The following APBB2 variants were observed in gnomAD, a reference collection of about 807,000 sequenced individuals.
APBB2 encodes the protein Fe65-like 1.
Under a neutral mutation model 82.5 loss-of-function variants are expected in APBB2, and 38 were observed. The ratio of observed to expected loss-of-function variants is 0.46; its 90% confidence interval spans 0.36 to 0.60. APBB2 has a LOEUF of 0.60. APBB2 is among the 20% of genes least tolerant of loss of function. APBB2 has a pLI of 0.00. For missense variants in APBB2, 772 were observed against 972.3 expected (o/e 0.79, Z 2.74); for synonymous variants, 341 against 368.2 (o/e 0.93, Z 0.85).
At chr4:41,005,693 C>G (rs1267157458) in intron 6 of APBB2, among the ~76,000 whole-genome samples, 1 of 152,098 alleles carries the variant, frequency 6.6e-6, no homozygotes, top group Non-Finnish European at 1.5e-5. Context: ...AACAACTTGC[C>G]AAACTAAGAA....
intron 1 of APBB2, among the ~76,000 whole-genome samples, chr4:41,206,224 G>A (rs930819720): frequency 6.6e-6 from 1 of 152,206 alleles, no homozygotes; most frequent in Non-Finnish European, 1.5e-5. Flanking sequence ...AAAGGAAGCA[G>A]CTGAAGGGTT....
chr4:41,050,621 T>C (rs146290426), intron 4 of APBB2, among the ~76,000 whole-genome samples: 20 of 152,148 alleles, frequency 1.3e-4, no homozygotes, highest in Non-Finnish European at 1.9e-4. Context: ...CTGAAAACCA[T>C]AGTCGAAGAT....
intron 2 of APBB2, among the ~76,000 whole-genome samples, chr4:41,115,534 G>A (rs1341743889): frequency 1.3e-5 from 2 of 152,074 alleles, no homozygotes; most frequent in Admixed American, 1.3e-4. Flanking sequence ...GAGTGAACAG[G>A]CAACCTACAG....
chr4:40,871,717 T>G (rs1048871526), intron 12 of APBB2, among the ~76,000 whole-genome samples: 9 of 152,202 alleles, frequency 5.9e-5, no homozygotes, highest in African/African-American at 2.2e-4. Flanking sequence ...CAGTAAACCA[T>G]AAAGCATTGT....
intron 6 of APBB2, among the ~76,000 whole-genome samples, chr4:40,976,517 G>A (rs1797212193): frequency 6.6e-6 from 1 of 152,098 alleles, no homozygotes; most frequent in African/African-American, 2.4e-5. Context: ...CCTTTCTTTG[G>A]GAATCATATT....
chr4:40,898,324 C>T (rs141562539), intron 10 of APBB2, among the ~76,000 whole-genome samples: 25 of 152,280 alleles, frequency 1.6e-4, no homozygotes, highest in African/African-American at 5.1e-4. Flanking sequence ...AGTGCAGTGG[C>T]GTGGCGTCAG....
At chr4:41,200,837 C>T (rs144730506) in intron 1 of APBB2, among the ~76,000 whole-genome samples, 5 of 152,200 alleles carry the variant, frequency 3.3e-5, no homozygotes, top group African/African-American at 1.2e-4. Context: ...AATCTAGTAG[C>T]TCTTGTGTTT....
intron 10 of APBB2, among the ~76,000 whole-genome samples, chr4:40,923,157 A>G (rs1164576401): frequency 6.7e-6 from 1 of 149,938 alleles, no homozygotes; most frequent in Non-Finnish European, 1.5e-5. Context: ...TTGTATTTTT[A>G]GTAGAGACGG....
intron 10 of APBB2, among the ~76,000 whole-genome samples, chr4:40,894,558 A>G (rs1773123643): frequency 6.6e-6 from 1 of 152,230 alleles, no homozygotes; most frequent in African/African-American, 2.4e-5. Flanking sequence ...GTATCCACTC[A>G]TGATAACAAA....
At position 40,832,812 on chromosome 4, in the gene APBB2, C is replaced by T. The variant is rs772347347; in HGVS notation, c.1530-2235G>A. On this transcript the variant is annotated intron_variant, in intron 12 of 17. Transcript: ENST00000508593. The surrounding 1 kb of genome is among the most constrained non-coding windows in gnomAD (Gnocchi z 4.8). ...GACGACTGTGCCTAACTCATCCCAG[C>T]GTCTAGTTCAGGCCTGGCGTATCAC... Among the ~76,000 whole-genome samples, 5 of 152,194 alleles carry T rather than the reference C, an allele frequency of 3.3e-5. No homozygotes were observed. Among genetic ancestry groups the T allele is most frequent in the Admixed American group, 6.5e-5 (1 of 15,282 alleles).
At chr4:40,972,195 G>A (rs1268285891) in intron 6 of APBB2, among the ~76,000 whole-genome samples, 2 of 152,122 alleles carry the variant, frequency 1.3e-5, no homozygotes, top group African/African-American at 2.4e-5. Context: ...TTGGGAGGCC[G>A]AGGTGGGTGG....
chr4:41,053,753 A>G (rs1428755001), intron 4 of APBB2, among the ~76,000 whole-genome samples: 1 of 152,244 alleles, frequency 6.6e-6, no homozygotes, highest in Non-Finnish European at 1.5e-5. Context: ...GGTACTTGCT[A>G]CAGCAAGTTC....
rs111257236 is a variant in APBB2, at chr4:40,826,233, C to T, written c.1733-263G>A. 108 of 453,122 alleles carry T rather than the reference C, an allele frequency of 2.4e-4. No individual in the cohort carries two copies. The highest frequency in any genetic ancestry group is 3.2e-4 in the Non-Finnish European group (80 of 246,498). The allele number at this position is 453,122 out of a possible 1,614,324, so 28.1% of individuals were successfully genotyped here. On this transcript the variant is annotated intron_variant, in intron 14 of 17. Transcript: ENST00000508593. The surrounding 1 kb of genome is among the most constrained non-coding windows in gnomAD (Gnocchi z 4.5). ...CTATGTGTTAAAGCTGCTACTGTCT[C>T]TTTGATGTATATTAAGTAAAGTAGC...
At chr4:41,092,762 G>A (rs1465217359) in intron 3 of APBB2, among the ~76,000 whole-genome samples, 2 of 151,482 alleles carry the variant, frequency 1.3e-5, no homozygotes, top group Admixed American at 6.6e-5. Context: ...AGCAATCTAA[G>A]ATGTAAAACT....
chr4:41,046,041 A>G (rs1723298113), intron 4 of APBB2, among the ~76,000 whole-genome samples: 1 of 152,248 alleles, frequency 6.6e-6, no homozygotes. Context: ...AGGTTTGTAT[A>G]TGAAGCTGGG....
intron 1 of APBB2, among the ~76,000 whole-genome samples, chr4:41,195,678 A>T: frequency 6.6e-6 from 1 of 152,090 alleles, no homozygotes; most frequent in African/African-American, 2.4e-5. Flanking sequence ...CGTGTCCTAA[A>T]CAGCCCTACA....
At chr4:40,911,229 G>A (rs1022431465) in intron 10 of APBB2, among the ~76,000 whole-genome samples, 4 of 152,206 alleles carry the variant, frequency 2.6e-5, no homozygotes, top group African/African-American at 2.4e-5. Flanking sequence ...TCTCGAATCC[G>A]TGGGCTCCTC....
chr4:41,048,316 A>G (rs1045487122), intron 4 of APBB2, among the ~76,000 whole-genome samples: 9 of 152,234 alleles, frequency 5.9e-5, no homozygotes, highest in African/African-American at 2.2e-4. Context: ...GCAAAATCCA[A>G]AAACAAAAAT....
intron 10 of APBB2, among the ~76,000 whole-genome samples, chr4:40,895,078 C>T (rs1773298806): frequency 1.3e-5 from 2 of 152,180 alleles, no homozygotes; most frequent in South Asian, 4.1e-4. Context: ...AGCAAAGTGT[C>T]CTGAAGTGAT....
Sources: gnomAD v4.1 joint callset for allele counts (sites outside exome capture counted in the v4.1 genomes callset) on GRCh38, gnomAD v4.1.1 for gene constraint, Gnocchi (gnomAD v3.1) non-coding constraint, MANE v1.5 for transcripts, NCBI Gene and HGNC (gene_info 2026-07-23, HGNC 2026-07-21) for gene names.